The following SLC35F3 variants were observed in gnomAD, a reference collection of about 807,000 sequenced individuals.
SLC35F3 encodes the protein solute carrier family 35 member F3.
SLC35F3 carries 25 observed loss-of-function variants against 49.9 expected under a neutral mutation model. The observed-to-expected ratio is 0.50, with a 90% CI of 0.37 to 0.70. The LOEUF (loss-of-function observed/expected upper bound fraction) is 0.70, where lower values mean the gene tolerates loss of function less well. Among genes scored for constraint, SLC35F3 ranks in the 30% least tolerant of loss-of-function variants. The pLI, the probability that SLC35F3 is intolerant of heterozygous loss-of-function variation, is 0.00. For synonymous variants in SLC35F3, 275 were observed against 265.4 expected (o/e 1.04, Z -0.35); for missense variants, 525 against 639.8 (o/e 0.82, Z 1.94).
chr1:234,299,975 A>C (rs2102989865), intron 3 of SLC35F3, among the ~76,000 whole-genome samples: 1 of 152,244 alleles, frequency 6.6e-6, no homozygotes, highest in East Asian at 1.9e-4. Flanking sequence ...TGTTCATGAA[A>C]ATAATCTGGA....
rs539413239 is a variant in SLC35F3, at chr1:233,914,809, CATTG to C, written c.283+9055_283+9058del. On this transcript the variant is annotated intron_variant, in intron 2 of 7. Coordinates refer to ENST00000366618, the MANE Select transcript of SLC35F3 (RefSeq NM_173508.4). ...TTGGTTCAAAGCAGTGGTGAATGTG[CATTG>C]ATTAATAGAGCAGGGAACCAGTTTT... is the stretch of plus-strand genomic sequence containing the variant. Among the ~76,000 whole-genome samples the C allele has an allele frequency of 5.3e-5, 8 of 152,086 alleles. No homozygotes were observed. The South Asian group carries it at 1.7e-3, about 32-fold the overall frequency.
At chr1:233,989,501 GAAAC>G (rs1663320119) in intron 2 of SLC35F3, among the ~76,000 whole-genome samples, 1 of 152,030 alleles carries the variant, frequency 6.6e-6, no homozygotes. Flanking sequence ...TACACACAAA[GAAAC>G]AAACAGATTC....
In SLC35F3 at chr1:233,951,385, C is replaced by T. The variant is rs374807303; in HGVS notation, c.283+45627C>T. On this transcript the variant is annotated intron_variant, in intron 2 of 7. Transcript: ENST00000366618. Reference sequence around the variant, plus strand: ...CACCCACCACCCACTCACTGACTCACCCAGAGCAACTTCTAGTCCTGCAAG... The same window carrying T: ...CACCCACCACCCACTCACTGACTCATCCAGAGCAACTTCTAGTCCTGCAAG... 3.9e-5 allele frequency among the ~76,000 whole-genome samples: 6 copies of T among 152,106 alleles called. No homozygotes were observed. In the East Asian group the frequency reaches 7.7e-4, roughly 20 times the overall value.
At chr1:233,981,681 T>G (rs1308731012) in intron 2 of SLC35F3, among the ~76,000 whole-genome samples, 3 of 151,588 alleles carry the variant, frequency 2.0e-5, no homozygotes, top group Non-Finnish European at 4.4e-5. Context: ...AAAAAAAAGC[T>G]CAGGAATGCA....
intron 2 of SLC35F3, among the ~76,000 whole-genome samples, chr1:234,014,355 G>A (rs924718587): frequency 6.6e-6 from 1 of 152,022 alleles, no homozygotes; most frequent in South Asian, 2.1e-4. Context: ...AATAGAGGCC[G>A]TATATGAAAA....
At position 234,263,081 on chromosome 1, in the gene SLC35F3, A is replaced by G. The variant is rs1667930132; in HGVS notation, c.608+31340A>G. On this transcript the variant is annotated intron_variant, in intron 3 of 7. Transcript: ENST00000366618. Reference sequence around the variant, plus strand: ...TAAGTCACATACAAGACTGCTGGTGAAAAAAAAGGAGTTGCTATGTACCTC... The same window carrying G: ...TAAGTCACATACAAGACTGCTGGTGGAAAAAAAGGAGTTGCTATGTACCTC... 3.9e-5 allele frequency among the ~76,000 whole-genome samples: 6 copies of G among 152,086 alleles called. No individual in the cohort carries two copies. The South Asian group carries it at 1.2e-3, about 32-fold the overall frequency.
intron 3 of SLC35F3, among the ~76,000 whole-genome samples, chr1:234,236,685 T>G (rs1489156658): frequency 6.6e-6 from 1 of 151,978 alleles, no homozygotes; most frequent in Non-Finnish European, 1.5e-5. Context: ...GCTGAGGAGT[T>G]TCACTTCCAG....
chr1:233,987,149 G>A (rs1194799059), intron 2 of SLC35F3, among the ~76,000 whole-genome samples: 1 of 152,078 alleles, frequency 6.6e-6, no homozygotes, highest in African/African-American at 2.4e-5. Flanking sequence ...AATTAGCCAG[G>A]CGTGGTGGCA....
At chr1:234,225,564 G>C (rs1190138182) in intron 2 of SLC35F3, among the ~76,000 whole-genome samples, 1 of 152,136 alleles carries the variant, frequency 6.6e-6, no homozygotes, top group Non-Finnish European at 1.5e-5. Flanking sequence ...CTAAAATGTG[G>C]GTACTTTAAG....
intron 4 of SLC35F3, among the ~76,000 whole-genome samples, chr1:234,309,692 C>G (rs1657300716): frequency 6.6e-6 from 1 of 152,230 alleles, no homozygotes; most frequent in Non-Finnish European, 1.5e-5. Flanking sequence ...ATGACCGTGC[C>G]CTGCAGCCTG....
At chr1:233,988,195 T>G (rs1663296152) in intron 2 of SLC35F3, among the ~76,000 whole-genome samples, 1 of 152,184 alleles carries the variant, frequency 6.6e-6, no homozygotes, top group South Asian at 2.1e-4. Context: ...ATCAGATGGT[T>G]TCATTAAAAG....
rs4442432 is a variant in SLC35F3, at chr1:233,960,509, C to T, written c.283+54751C>T. Among the ~76,000 whole-genome samples, 1,498 of 152,308 alleles carry T rather than the reference C, an allele frequency of 9.8e-3. 24 individuals carry two copies. The highest frequency in any genetic ancestry group is 0.034 in the African/African-American group (1,423 of 41,570). Reference sequence around the variant, plus strand: ...ACTGGGCAGAAATCCTTTCTCTGTTCGCCTGGCAGATGGCTCTCTGGCTTT... The same window carrying T: ...ACTGGGCAGAAATCCTTTCTCTGTTTGCCTGGCAGATGGCTCTCTGGCTTT... On this transcript the variant is annotated intron_variant, in intron 2 of 7. Coordinates refer to ENST00000366618, the MANE Select transcript of SLC35F3 (RefSeq NM_173508.4).
chr1:234,318,145 A>G (rs771466136), intron 5 of SLC35F3, among the ~76,000 whole-genome samples: 1 of 152,232 alleles, frequency 6.6e-6, no homozygotes, highest in Non-Finnish European at 1.5e-5. Flanking sequence ...TGCATCTCTC[A>G]GTTCAGCTTC....
In SLC35F3 at chr1:233,936,621, T is replaced by A. The variant is rs191474163; in HGVS notation, c.283+30863T>A. 1.5e-3 allele frequency among the ~76,000 whole-genome samples: 222 copies of A among 151,886 alleles called. 1 individual carries two copies. Among genetic ancestry groups the A allele is most frequent in the African/African-American group, 5.2e-3 (216 of 41,430 alleles). On this transcript the variant is annotated intron_variant, in intron 2 of 7. Coordinates refer to ENST00000366618, the MANE Select transcript of SLC35F3 (RefSeq NM_173508.4). ...CCCTGTCTTCTTCCTCTCCTCCTCC[T>A]CCTCATTCTTCTTCTTCTTCCTCTT...
At chr1:234,019,967 G>A (rs1663866151) in intron 2 of SLC35F3, among the ~76,000 whole-genome samples, 1 of 152,198 alleles carries the variant, frequency 6.6e-6, no homozygotes, top group Admixed American at 6.5e-5. Context: ...AGGGCAAGTT[G>A]AGTTGCAATG....
At position 234,231,829 on chromosome 1, in the gene SLC35F3, CTGGGATGAGCCGG is replaced by C; in HGVS notation, c.608+94_608+106del. Reference sequence around the variant, plus strand: ...GCAGAGCTGCCCCTGGTGGCAGGCGCTGGGATGAGCCGGTGGGAGCCCGTGGAGAGATGTTGCA... The same window carrying C: ...GCAGAGCTGCCCCTGGTGGCAGGCGCTGGGAGCCCGTGGAGAGATGTTGCA... On this transcript the variant is annotated intron_variant, in intron 3 of 7. Coordinates refer to ENST00000366618, the MANE Select transcript of SLC35F3 (RefSeq NM_173508.4). The surrounding 1 kb of genome is among the most constrained non-coding windows in gnomAD (Gnocchi z 5.4). The C allele has an allele frequency of 7.7e-7, 1 of 1,299,248 alleles. No homozygotes were observed. The highest frequency in any genetic ancestry group is 1.1e-6 in the Non-Finnish European group (1 of 931,000). The allele number at this position is 1,299,248 out of a possible 1,614,324, so 80.5% of individuals were successfully genotyped here. A position where few individuals can be genotyped will look rare whatever the true frequency, so the allele number is the denominator to read the frequency against.
At chr1:233,911,106 G>A (rs1333709505) in intron 2 of SLC35F3, among the ~76,000 whole-genome samples, 34 of 152,162 alleles carry the variant, frequency 2.2e-4, no homozygotes, top group Non-Finnish European at 8.8e-5. Context: ...GTTGTAAAGG[G>A]TTTGTATGAG....
At chr1:234,250,829 C>G (rs957645386) in intron 3 of SLC35F3, among the ~76,000 whole-genome samples, 9 of 152,092 alleles carry the variant, frequency 5.9e-5, no homozygotes, top group Non-Finnish European at 4.4e-5. Context: ...GCACCACACT[C>G]TTTTTAACAA....
chr1:234,003,652 C>T (rs1489596124), intron 2 of SLC35F3, among the ~76,000 whole-genome samples: 2 of 152,100 alleles, frequency 1.3e-5, no homozygotes, highest in South Asian at 4.1e-4. Context: ...ATTGTTAAAT[C>T]CAACTACATT....
Sources: allele counts gnomAD v4.1 joint callset (sites outside exome capture counted in the v4.1 genomes callset), GRCh38; gene constraint gnomAD v4.1.1; non-coding constraint Gnocchi (gnomAD v3.1); transcripts MANE v1.5; gene names NCBI Gene and HGNC (gene_info 2026-07-23, HGNC 2026-07-21).